Variants in DCC observed in about 807,000 individuals in gnomAD.
DCC encodes netrin receptor DCC.
Under a neutral mutation model 172.5 loss-of-function variants are expected in DCC, and 58 were observed. The observed-to-expected ratio is 0.34, with a 90% CI of 0.27 to 0.42. The LOEUF is 0.42. Ranked by LOEUF, DCC falls within the 10% of genes least tolerant of loss-of-function variation. The pLI is 1.00. For synonymous variants in DCC, 709 were observed against 644.5 expected (o/e 1.10, Z -1.52); for missense variants, 1,740 against 1,791.0 (o/e 0.97, Z 0.51).
chr18:52,868,752 C>T (rs1014809345), intron 2 of DCC, among the ~76,000 whole-genome samples: 3 of 152,220 alleles, frequency 2.0e-5, no homozygotes, highest in Non-Finnish European at 4.4e-5. Flanking sequence ...GCTCACACTA[C>T]TGGCCTGAAC....
At chr18:53,454,010 G>A (rs910638028) in intron 23 of DCC, among the ~76,000 whole-genome samples, 5 of 152,122 alleles carry the variant, frequency 3.3e-5, no homozygotes, top group African/African-American at 1.2e-4. Context: ...CCCTTCCACA[G>A]TTTCTATTAG....
intron 2 of DCC, among the ~76,000 whole-genome samples, chr18:52,806,976 T>C (rs2038097628): frequency 6.6e-6 from 1 of 152,044 alleles, no homozygotes; most frequent in South Asian, 2.1e-4. Flanking sequence ...AGGTGGATCA[T>C]GAGGTCAAGA....
chr18:53,205,158 A>G lies in DCC; in HGVS notation c.1574-58A>G, dbSNP rs1335187483. 6 of 1,419,064 alleles carry G rather than the reference A, an allele frequency of 4.2e-6. No homozygotes were observed. The African/African-American group carries it at 7.0e-5, about 17-fold the overall frequency. The allele number at this position is 1,419,064 out of a possible 1,614,324, so 87.9% of individuals were successfully genotyped here. ...AAATGTAATTTTGTTTGTTTTGAGAACAAAAACCCACTTATCCTAATCACT... is the reference window on the plus strand; with the variant it reads ...AAATGTAATTTTGTTTGTTTTGAGAGCAAAAACCCACTTATCCTAATCACT... On this transcript the variant is annotated intron_variant, in intron 9 of 28. Transcript: ENST00000442544.
intron 1 of DCC, among the ~76,000 whole-genome samples, chr18:52,600,415 A>G (rs1144098): frequency 0.39 from 59,337 of 152,088 alleles, 11,679 homozygotes; most frequent in African/African-American, 0.42. Context: ...TAGCTTTATT[A>G]TAAATCTTGA....
intron 1 of DCC, among the ~76,000 whole-genome samples, chr18:52,715,974 C>T (rs1180656856): frequency 2.0e-5 from 3 of 147,266 alleles, no homozygotes; most frequent in Admixed American, 2.0e-4. Context: ...TCTGTGATCT[C>T]AGCATACAAC....
At chr18:52,949,670 A>T (rs898431651) in intron 5 of DCC, among the ~76,000 whole-genome samples, 2 of 152,160 alleles carry the variant, frequency 1.3e-5, no homozygotes, top group African/African-American at 4.8e-5. Context: ...CTTGCCTTCA[A>T]AGTGGTTTTC....
chr18:52,428,713 A>G (rs928012003), intron 1 of DCC, among the ~76,000 whole-genome samples: 1 of 152,100 alleles, frequency 6.6e-6, no homozygotes, highest in African/African-American at 2.4e-5. Context: ...ATGGAAATTT[A>G]TTATAATTTT....
intron 9 of DCC, among the ~76,000 whole-genome samples, chr18:53,192,961 T>A (rs2055388002): frequency 6.6e-6 from 1 of 152,202 alleles, no homozygotes; most frequent in Admixed American, 6.5e-5. Flanking sequence ...TTCACTCTCT[T>A]ACCACCAATC....
At chr18:53,210,799 TG>T (rs1202120386) in intron 11 of DCC, among the ~76,000 whole-genome samples, 7 of 152,298 alleles carry the variant, frequency 4.6e-5, no homozygotes, top group East Asian at 3.9e-4. Flanking sequence ...CATTACTTTA[TG>T]TTTTTTTTTC....
chr18:53,247,920 C>T, intron 12 of DCC, among the ~76,000 whole-genome samples: 1 of 151,996 alleles, frequency 6.6e-6, no homozygotes, highest in East Asian at 1.9e-4. Flanking sequence ...GACATCCCAT[C>T]CAATACTCTA....
At chr18:52,487,689 C>T (rs1250905574) in intron 1 of DCC, among the ~76,000 whole-genome samples, 6 of 151,636 alleles carry the variant, frequency 4.0e-5, no homozygotes, top group Non-Finnish European at 7.4e-5. Flanking sequence ...TGTATGCCTG[C>T]AGTCCCAGCT....
intron 12 of DCC, among the ~76,000 whole-genome samples, chr18:53,264,401 A>G (rs1017140435): frequency 6.6e-6 from 1 of 150,654 alleles, no homozygotes; most frequent in African/African-American, 2.4e-5. Flanking sequence ...GCTTGAAACC[A>G]GAAGGTGGAG....
At chr18:53,448,465 A>T (rs1180307877) in intron 22 of DCC, among the ~76,000 whole-genome samples, 2 of 152,312 alleles carry the variant, frequency 1.3e-5, no homozygotes, top group East Asian at 3.9e-4. Context: ...AAACACCCCC[A>T]TGATTAAATT....
chr18:53,391,868 C>T lies in DCC; in HGVS notation c.2669C>T (p.Ser890Phe). The change falls in exon 17 of 29, where the codon TCT becomes TTT. Residue 890 changes from serine (S) to phenylalanine (F), a missense_variant. By Grantham distance (155) the Ser-to-Phe change is radical. Transcript: ENST00000442544. ...LYTVRWRTSF[S>F]ASAKYKSEDT... is the part of the protein sequence containing the mutation. ...ACCGTCCGGTGGAGAACCAGCTTTT[C>T]TGCAAGTGCAAAATACAAGGTGAAG... 1 of 1,600,234 alleles carries T rather than the reference C, an allele frequency of 6.2e-7. No individual in the cohort carries two copies. Among genetic ancestry groups the T allele is most frequent in the Non-Finnish European group, 8.6e-7 (1 of 1,167,278 alleles).
intron 2 of DCC, among the ~76,000 whole-genome samples, chr18:52,899,644 C>T (rs1002906084): frequency 6.6e-5 from 10 of 151,714 alleles, no homozygotes; most frequent in Non-Finnish European, 1.3e-4. Flanking sequence ...CATGAGCCAC[C>T]GTGCCCGGCC....
In DCC at chr18:52,492,881, T is replaced by C. The variant is rs1018149543; in HGVS notation, c.91+152003T>C. Among the ~76,000 whole-genome samples, 4 of 152,044 alleles carry C rather than the reference T, an allele frequency of 2.6e-5. No homozygotes were observed. In the East Asian group the frequency reaches 7.7e-4, roughly 29 times the overall value. Reference sequence around the variant, plus strand: ...ACAGTTGATGGTATTTGCAAAGTTGTTACTATGATAGCCAATCATATGATA... The same window carrying C: ...ACAGTTGATGGTATTTGCAAAGTTGCTACTATGATAGCCAATCATATGATA... On this transcript the variant is annotated intron_variant, in intron 1 of 28. Transcript: ENST00000442544.
intron 7 of DCC, among the ~76,000 whole-genome samples, chr18:53,136,011 C>T (rs2043735173): frequency 1.3e-5 from 2 of 152,058 alleles, no homozygotes; most frequent in African/African-American, 4.8e-5. Flanking sequence ...GAGCCATTCA[C>T]TGCATACATG....
At chr18:53,370,234 A>C (rs1259667595) in intron 15 of DCC, among the ~76,000 whole-genome samples, 1 of 151,698 alleles carries the variant, frequency 6.6e-6, no homozygotes, top group African/African-American at 2.4e-5. Flanking sequence ...CGATTTGTTG[A>C]TGTACAGTTG....
intron 1 of DCC, among the ~76,000 whole-genome samples, chr18:52,529,472 A>G (rs1173855155): frequency 2.0e-5 from 3 of 152,020 alleles, no homozygotes; most frequent in Non-Finnish European, 4.4e-5. Flanking sequence ...TTGCATTTTT[A>G]GTAGAGACAG....
Sources: allele counts gnomAD v4.1 joint callset (sites outside exome capture counted in the v4.1 genomes callset), GRCh38; gene constraint gnomAD v4.1.1; transcripts MANE v1.5; gene names NCBI Gene and HGNC (gene_info 2026-07-23, HGNC 2026-07-21).